The following ZFP14 variants were observed in gnomAD, a reference collection of about 807,000 sequenced individuals.
ZFP14 encodes zinc finger protein 14 homolog.
Under a neutral mutation model 54.5 loss-of-function variants are expected in ZFP14, and 22 were observed. The observed-to-expected ratio is 0.40, with a 90% CI of 0.29 to 0.58. ZFP14 has a LOEUF of 0.58. Ranked by LOEUF, ZFP14 falls within the 20% of genes least tolerant of loss-of-function variation. ZFP14 has a pLI of 0.39. For synonymous variants in ZFP14, 159 were observed against 204.0 expected, an observed-to-expected ratio of 0.78 and a Z score of 1.88; for missense variants, 470 against 637.8, an observed-to-expected ratio of 0.74 and a Z score of 2.83.
chr19:36,370,226 C>A, intron 1 of ZFP14, among the ~76,000 whole-genome samples: 1 of 152,174 alleles, frequency 6.6e-6, no homozygotes, highest in East Asian at 1.9e-4. Context: ...CCATGTCACC[C>A]CTCCCCAGCT....
intron 2 of ZFP14, among the ~76,000 whole-genome samples, chr19:36,365,316 C>G (rs2031777592): frequency 6.6e-6 from 1 of 152,152 alleles, no homozygotes; most frequent in South Asian, 2.1e-4. Context: ...TTTTAATCAT[C>G]TCTTTTACTA....
At chr19:36,353,132 G>A (rs1176370599) in intron 4 of ZFP14, among the ~76,000 whole-genome samples, 2 of 141,768 alleles carry the variant, frequency 1.4e-5, no homozygotes, top group African/African-American at 5.2e-5. Flanking sequence ...CCACACTGGG[G>A]ATGGGATGCT....
intron 2 of ZFP14, among the ~76,000 whole-genome samples, chr19:36,364,303 G>A (rs1029074792): frequency 6.6e-6 from 1 of 152,184 alleles, no homozygotes; most frequent in Admixed American, 6.5e-5. Context: ...AGGGGCACAA[G>A]GGGATTGCAT....
chr19:36,359,697 C>A (rs1316231777), intron 4 of ZFP14, among the ~76,000 whole-genome samples: 3 of 152,052 alleles, frequency 2.0e-5, no homozygotes, highest in African/African-American at 7.2e-5. Context: ...CTCTGTCACT[C>A]AGGCTGGAGT....
chr19:36,355,392 A>G (rs2031596625), intron 4 of ZFP14, among the ~76,000 whole-genome samples: 1 of 142,890 alleles, frequency 7.0e-6, no homozygotes, highest in Non-Finnish European at 1.6e-5. Context: ...AAGAAGAAGA[A>G]GAGGGCCAGG....
intron 2 of ZFP14, among the ~76,000 whole-genome samples, chr19:36,364,994 C>CTTTTTTTTTTTTTTTTTTTTTTT (rs398034482): frequency 6.5e-5 from 4 of 62,002 alleles, no homozygotes; most frequent in Non-Finnish European, 8.7e-5. Flanking sequence ...TTTTCTTTTT[C>CTTTTTTTTTTTTTTTTTTTTTTT]TTTTTTTTTT....
At chr19:36,342,004 A>G (rs547651341) in intron 4 of ZFP14, among the ~76,000 whole-genome samples, 1 of 150,294 alleles carries the variant, frequency 6.7e-6, no homozygotes, top group Admixed American at 6.6e-5. Context: ...GGCACCTGCC[A>G]CCACGCCCGG....
At chr19:36,343,168 C>T (rs1392103704) in intron 4 of ZFP14, among the ~76,000 whole-genome samples, 2 of 152,114 alleles carry the variant, frequency 1.3e-5, no homozygotes, top group African/African-American at 2.4e-5. Context: ...AGGACAAAGT[C>T]CTGGGCAAGT....
chr19:36,342,737 T>A (rs187140028), intron 4 of ZFP14, among the ~76,000 whole-genome samples: 1 of 152,254 alleles, frequency 6.6e-6, no homozygotes, highest in East Asian at 1.9e-4. Flanking sequence ...GTTGATGGTA[T>A]ATTCCTCTGG....
chr19:36,373,697 G>A (rs1057463777), intron 1 of ZFP14, among the ~76,000 whole-genome samples: 13 of 151,556 alleles, frequency 8.6e-5, no homozygotes, highest in African/African-American at 1.5e-4. Context: ...ACTAAAGCTC[G>A]GTATTAAGAA....
chr19:36,344,578 G>A (rs1252800945), intron 4 of ZFP14, among the ~76,000 whole-genome samples: 1 of 151,148 alleles, frequency 6.6e-6, no homozygotes, highest in Non-Finnish European at 1.5e-5. Context: ...CAACCCCCAG[G>A]CCACAGACCA....
rs778171148 is a variant in ZFP14, at chr19:36,340,419, T to C, written c.1407A>G (p.Gln469=). The change falls in exon 5 of 5, where the codon CAA becomes CAG. Residue 469 remains glutamine (Q), a synonymous_variant. Coordinates refer to ENST00000270001, the MANE Select transcript of ZFP14 (RefSeq NM_020917.3). This position sits in a 1 kb window ranked among gnomAD's most constrained non-coding sequence, Gnocchi z 5.4. ...TCTCACCAGTGTGAATACTCTGATG[T>C]TGGGTAAGTTGTGAGAGCAGTCTAA... The part of the protein sequence containing the change: ...KPFRLLSQLT[Q]HQSIHTGEKP... 1 of 1,613,764 alleles carries C rather than the reference T, an allele frequency of 6.2e-7. No homozygotes were observed. The highest frequency in any genetic ancestry group is 8.5e-7 in the Non-Finnish European group (1 of 1,179,918).
At chr19:36,361,732 C>T (rs544828234) in intron 3 of ZFP14, among the ~76,000 whole-genome samples, 1 of 152,354 alleles carries the variant, frequency 6.6e-6, no homozygotes, top group African/African-American at 2.4e-5. Flanking sequence ...GGATCCATCT[C>T]ACACTATGTT....
rs1436718835 is a variant in ZFP14, at chr19:36,350,619, C to CA, written c.236-9030dup. On this transcript the variant is annotated intron_variant, in intron 4 of 4. Transcript: ENST00000270001. ...CTGTCTTTAAAAAACCAAAAAAAAA[C>CA]AAAAAACAGCTTCCTAAATACTTCA... Among the ~76,000 whole-genome samples the CA allele has an allele frequency of 1.4e-5, 2 of 139,020 alleles. 1 individual carries two copies. The highest frequency in any genetic ancestry group is 5.3e-5 in the African/African-American group (2 of 37,826). 91.2% of individuals were successfully genotyped at this position (139,020 alleles called of 152,430 possible). A position where few individuals can be genotyped will look rare whatever the true frequency, so the allele number is the denominator to read the frequency against.
intron 4 of ZFP14, among the ~76,000 whole-genome samples, chr19:36,349,559 A>G (rs2031486735): frequency 6.6e-6 from 1 of 150,650 alleles, no homozygotes; most frequent in African/African-American, 2.4e-5. Context: ...CCAGCTACTT[A>G]GGAGGCTGAG....
chr19:36,334,798 C>T lies in ZFP14; in HGVS notation c.*5426G>A, dbSNP rs542136756. The T allele has an allele frequency of 6.6e-6, 1 of 152,324 alleles. No homozygotes were observed. The highest frequency in any genetic ancestry group is 1.5e-5 in the Non-Finnish European group (1 of 68,026). 9.4% of individuals were successfully genotyped at this position (152,324 alleles called of 1,614,324 possible). On this transcript the variant is annotated 3_prime_UTR_variant, in exon 5 of 5. Coordinates refer to ENST00000270001, the MANE Select transcript of ZFP14 (RefSeq NM_020917.3). ...AATTCCACAATAAATTTGAGATACA[C>T]TCAGTTAAATAAAAATGTCTTTACT...
At chr19:36,363,887 G>A (rs1206445344) in intron 2 of ZFP14, among the ~76,000 whole-genome samples, 1 of 151,994 alleles carries the variant, frequency 6.6e-6, no homozygotes, top group African/African-American at 2.4e-5. Context: ...CTACTCAGGA[G>A]GCTGACGCAG....
At chr19:36,376,475 C>T (rs1439116687) in intron 1 of ZFP14, among the ~76,000 whole-genome samples, 3 of 151,380 alleles carry the variant, frequency 2.0e-5, no homozygotes, top group East Asian at 3.9e-4. Context: ...GAACCTGGGG[C>T]GGGTGGCTGC....
intron 1 of ZFP14, among the ~76,000 whole-genome samples, chr19:36,370,982 G>A (rs1184000157): frequency 6.6e-6 from 1 of 152,218 alleles, no homozygotes. Flanking sequence ...ATTAAAACAG[G>A]CTGGGCACAG....
Sources: gnomAD v4.1 joint callset for allele counts (sites outside exome capture counted in the v4.1 genomes callset) on GRCh38, gnomAD v4.1.1 for gene constraint, Gnocchi (gnomAD v3.1) non-coding constraint, MANE v1.5 for transcripts, NCBI Gene and HGNC (gene_info 2026-07-23, HGNC 2026-07-21) for gene names.